Variants in ADISSP observed in about 807,000 individuals in gnomAD.
ADISSP encodes adipose secreted signaling protein, also known as adipose-secreted signaling protein.
chr20:3,763,579 T>G, the ADISSP span, among the ~76,000 whole-genome samples: 1 of 144,694 alleles, frequency 6.9e-6, no homozygotes, highest in African/African-American at 2.6e-5. Context: ...AAAAAAGACA[T>G]TTGGGGGATC....
chr20:3,755,518 A>T, the ADISSP span: 2 of 1,613,204 alleles, frequency 1.2e-6, no homozygotes, highest in South Asian at 2.2e-5. Flanking sequence ...GGCTGGGGAC[A>T]GGTGCCTCGC....
the ADISSP span, among the ~76,000 whole-genome samples, chr20:3,763,918 A>G: frequency 6.6e-6 from 1 of 152,164 alleles, no homozygotes; most frequent in South Asian, 2.1e-4. Flanking sequence ...CAGGGTGTTC[A>G]CAGTTTGGGT....
At chr20:3,757,147 G>A in the ADISSP span, among the ~76,000 whole-genome samples, 23 of 152,000 alleles carry the variant, frequency 1.5e-4, no homozygotes, top group African/African-American at 5.1e-4. Context: ...TCAGGAGATC[G>A]AGACCATCCT....
chr20:3,761,645 G>C, the ADISSP span, among the ~76,000 whole-genome samples: 2 of 152,102 alleles, frequency 1.3e-5, no homozygotes, highest in Non-Finnish European at 2.9e-5. Context: ...CGAGGACCTG[G>C]TGTTTAAGAG....
the ADISSP span, chr20:3,768,138 G>A: frequency 6.6e-6 from 1 of 152,302 alleles, no homozygotes; most frequent in Non-Finnish European, 1.5e-5. Context: ...GGGCTGTCGG[G>A]CGCGTCTCGG....
the ADISSP span, chr20:3,754,569 T>C: frequency 6.3e-7 from 1 of 1,590,830 alleles, no homozygotes; most frequent in Non-Finnish European, 8.6e-7. Context: ...GCCTCCCCGA[T>C]CCTGCCCCTG....
the ADISSP span, among the ~76,000 whole-genome samples, chr20:3,756,478 C>T: frequency 6.6e-6 from 1 of 151,938 alleles, no homozygotes; most frequent in Admixed American, 6.5e-5. Context: ...TGCTGTACTC[C>T]CAGCTTGCAT....
chr20:3,755,200 C>T, the ADISSP span, among the ~76,000 whole-genome samples: 11 of 152,178 alleles, frequency 7.2e-5, no homozygotes, highest in Non-Finnish European at 1.3e-4. Flanking sequence ...AAACCAGTTC[C>T]TCAGCAGCTC....
At chr20:3,764,871 T>C in the ADISSP span, among the ~76,000 whole-genome samples, 1 of 152,216 alleles carries the variant, frequency 6.6e-6, no homozygotes, top group Non-Finnish European at 1.5e-5. Context: ...GCCTCACCCC[T>C]GCCCTGGGGG....
the ADISSP span, chr20:3,758,756 C>T: frequency 1.4e-6 from 2 of 1,386,336 alleles, no homozygotes; most frequent in Non-Finnish European, 2.0e-6. This position sits in a 1 kb window ranked among gnomAD's most constrained non-coding sequence, Gnocchi z 5.5. Context: ...TCGTCACCCC[C>T]AAGACTGCCC....
the ADISSP span, chr20:3,754,079 G>C: frequency 2.5e-6 from 4 of 1,612,910 alleles, no homozygotes; most frequent in Middle Eastern, 1.6e-4. Context: ...CGTGCCAGTC[G>C]CTGTGCTCTG....
the ADISSP span, chr20:3,767,143 C>T: frequency 1.3e-5 from 2 of 152,294 alleles, no homozygotes; most frequent in African/African-American, 2.4e-5. Context: ...TCCAATCCAT[C>T]CTGAGCTGCG....
At chr20:3,755,340 T>G in the ADISSP span, 1 of 819,382 alleles carries the variant, frequency 1.2e-6, no homozygotes, top group Non-Finnish European at 2.0e-6. Context: ...GCTGCCACAG[T>G]GCAAGCTCAC....
At chr20:3,754,396 C>T in the ADISSP span, 61 of 1,606,576 alleles carry the variant, frequency 3.8e-5, no homozygotes, top group Non-Finnish European at 4.3e-6. Flanking sequence ...CACGCTCTCA[C>T]CCATGACGCG....
At chr20:3,760,136 C>G in the ADISSP span, 1 of 1,539,370 alleles carries the variant, frequency 6.5e-7, no homozygotes, top group Non-Finnish European at 8.9e-7. Context: ...CTGCCAGACA[C>G]CGCCACTCAC....
At chr20:3,765,423 A>T in the ADISSP span, among the ~76,000 whole-genome samples, 10,252 of 152,266 alleles carry the variant, frequency 0.067, 471 homozygotes, top group East Asian at 0.15. Context: ...TGCATGGGTG[A>T]GTTCTTTCAC....
chr20:3,758,424 A>C, the ADISSP span: 1 of 931,040 alleles, frequency 1.1e-6, no homozygotes. The surrounding 1 kb of genome is among the most constrained non-coding windows in gnomAD (Gnocchi z 5.5). Context: ...AGGCACAGGG[A>C]AAGGCACAGA....
chr20:3,754,041 A>C, the ADISSP span: 15 of 1,584,862 alleles, frequency 9.5e-6, no homozygotes, highest in African/African-American at 2.0e-4. Flanking sequence ...GGCCCGGGGC[A>C]GGCGGGGCCT....
chr20:3,757,215 T>C, the ADISSP span, among the ~76,000 whole-genome samples: 1 of 151,844 alleles, frequency 6.6e-6, no homozygotes, highest in East Asian at 1.9e-4. Flanking sequence ...CTGAGAGTGG[T>C]GGCACGCGCC....
Sources: gnomAD v4.1 joint callset for allele counts (sites outside exome capture counted in the v4.1 genomes callset) on GRCh38, gnomAD v4.1.1 for gene constraint, Gnocchi (gnomAD v3.1) non-coding constraint, MANE v1.5 for transcripts, NCBI Gene and HGNC (gene_info 2026-07-23, HGNC 2026-07-21) for gene names.